The following SV2C variants were observed in gnomAD, a reference collection of about 807,000 sequenced individuals.
The protein encoded by SV2C is solute carrier family 22 member B3.
SV2C carries 49 observed loss-of-function variants against 79.7 expected under a neutral mutation model. The ratio of observed to expected loss-of-function variants is 0.61; its 90% confidence interval spans 0.49 to 0.78. The LOEUF is 0.78. SV2C is among the 30% of genes least tolerant of loss of function. The pLI, the probability that SV2C is intolerant of heterozygous loss-of-function variation, is 0.00. For missense variants in SV2C, 833 were observed against 912.9 expected, an observed-to-expected ratio of 0.91 and a Z score of 1.13; for synonymous variants, 334 against 333.2, an observed-to-expected ratio of 1.00 and a Z score of -0.03.
the SV2C span, chr5:75,910,522 G>A: frequency 3.2e-6 from 2 of 629,476 alleles, no homozygotes; most frequent in East Asian, 6.5e-5. Context: ...AGAAGTTGTT[G>A]GGGCTTTGTT....
chr5:76,243,787 G>T (rs1489769418), intron 4 of SV2C, among the ~76,000 whole-genome samples: 1 of 152,156 alleles, frequency 6.6e-6, no homozygotes, highest in Non-Finnish European at 1.5e-5. Context: ...TAAACCTCAA[G>T]TCCTGGCCGG....
the SV2C span, among the ~76,000 whole-genome samples, chr5:76,040,823 CTCT>C: frequency 6.6e-6 from 1 of 152,166 alleles, no homozygotes; most frequent in Non-Finnish European, 1.5e-5. Context: ...TTGAATGCTA[CTCT>C]TCTTGACATG....
At chr5:76,309,466 G>A (rs948960129) in intron 12 of SV2C, among the ~76,000 whole-genome samples, 5 of 151,964 alleles carry the variant, frequency 3.3e-5, no homozygotes, top group Non-Finnish European at 7.4e-5. Context: ...CAGGCATCGT[G>A]GCTGGCGCCT....
chr5:75,968,376 C>G, the SV2C span, among the ~76,000 whole-genome samples: 1 of 152,086 alleles, frequency 6.6e-6, no homozygotes, highest in Admixed American at 6.5e-5. Flanking sequence ...TCAAACTACT[C>G]TGAGCTAAAG....
At chr5:76,227,057 C>T (rs1374581361) in intron 4 of SV2C, among the ~76,000 whole-genome samples, 11 of 152,144 alleles carry the variant, frequency 7.2e-5, no homozygotes, top group African/African-American at 2.7e-4. Context: ...CAGGGGCCTT[C>T]CGGGAGGGAT....
the SV2C span, chr5:75,921,321 T>C: frequency 1.6e-6 from 2 of 1,278,654 alleles, no homozygotes; most frequent in Non-Finnish European, 2.3e-6. Context: ...AGGTGCTGGC[T>C]GGTGGAGCTC....
the SV2C span, among the ~76,000 whole-genome samples, chr5:75,866,990 A>G: frequency 1.3e-5 from 2 of 152,148 alleles, no homozygotes; most frequent in African/African-American, 4.8e-5. Flanking sequence ...TCTTGCTGGA[A>G]TGCTGAGAGA....
chr5:75,903,941 A>G, the SV2C span, among the ~76,000 whole-genome samples: 1 of 152,208 alleles, frequency 6.6e-6, no homozygotes, highest in African/African-American at 2.4e-5. Flanking sequence ...TTCTACTTGC[A>G]TTCCTCTTTT....
intron 2 of SV2C, among the ~76,000 whole-genome samples, chr5:76,138,901 G>A (rs540673051): frequency 6.8e-4 from 104 of 152,144 alleles, no homozygotes; most frequent in Non-Finnish European, 8.2e-4. Context: ...GGCAGATCAC[G>A]AAGTCAGGAG....
chr5:76,180,647 T>A (rs1446303773), intron 2 of SV2C, among the ~76,000 whole-genome samples: 1 of 152,218 alleles, frequency 6.6e-6, no homozygotes, highest in African/African-American at 2.4e-5. Flanking sequence ...CTGCCCCCTC[T>A]GCTTTCATCT....
chr5:76,136,498 A>G (rs562205312), intron 2 of SV2C, among the ~76,000 whole-genome samples: 18 of 151,974 alleles, frequency 1.2e-4, no homozygotes, highest in Non-Finnish European at 2.4e-4. Flanking sequence ...CAATGTGACA[A>G]ATACACTTGT....
chr5:75,970,663 G>A, the SV2C span, among the ~76,000 whole-genome samples: 1 of 152,130 alleles, frequency 6.6e-6, no homozygotes, highest in Admixed American at 6.5e-5. Context: ...AATAGGCTAT[G>A]AAATTGAGGC....
At chr5:76,025,144 C>T in the SV2C span, among the ~76,000 whole-genome samples, 4 of 149,980 alleles carry the variant, frequency 2.7e-5, no homozygotes, top group African/African-American at 4.9e-5. Flanking sequence ...AATATCATAA[C>T]ACAAAAACAG....
At chr5:76,258,223 T>C (rs1391699196) in intron 4 of SV2C, among the ~76,000 whole-genome samples, 1 of 151,870 alleles carries the variant, frequency 6.6e-6, no homozygotes, top group East Asian at 1.9e-4. Flanking sequence ...CACAGCAGCT[T>C]GAATGCTTAG....
the SV2C span, among the ~76,000 whole-genome samples, chr5:75,937,867 C>G: frequency 7.8e-6 from 1 of 128,716 alleles, no homozygotes; most frequent in African/African-American, 3.2e-5. Context: ...AATTTCACCT[C>G]TAGCATTATC....
the SV2C span, among the ~76,000 whole-genome samples, chr5:76,061,268 T>TG: frequency 1.9e-5 from 1 of 51,618 alleles, no homozygotes; most frequent in Non-Finnish European, 3.4e-5. Flanking sequence ...CTTCAATTTG[T>TG]AAAAAAAAAA....
chr5:76,243,557 C>T (rs151034211), intron 4 of SV2C, among the ~76,000 whole-genome samples: 1 of 152,198 alleles, frequency 6.6e-6, no homozygotes, highest in African/African-American at 2.4e-5. Context: ...GGATTCTGAA[C>T]ACATCTCATT....
At chr5:75,974,231 C>G in the SV2C span, among the ~76,000 whole-genome samples, 1 of 151,906 alleles carries the variant, frequency 6.6e-6, no homozygotes, top group African/African-American at 2.4e-5. Flanking sequence ...CAGGTTCAGC[C>G]AAAAACTTTA....
chr5:76,191,203 A>C (rs972960643), intron 2 of SV2C, among the ~76,000 whole-genome samples: 1 of 151,740 alleles, frequency 6.6e-6, no homozygotes, highest in East Asian at 1.9e-4. Flanking sequence ...CACACTTTTA[A>C]ACAACCAGAT....
Sources: allele counts gnomAD v4.1 joint callset (sites outside exome capture counted in the v4.1 genomes callset), GRCh38; gene constraint gnomAD v4.1.1; transcripts MANE v1.5; gene names NCBI Gene and HGNC (gene_info 2026-07-23, HGNC 2026-07-21).